The following MACROD2 variants were observed in gnomAD, a reference collection of about 807,000 sequenced individuals.
The protein encoded by MACROD2 is ADP-ribose glycohydrolase MACROD2.
Under a neutral mutation model 70.4 loss-of-function variants are expected in MACROD2, and 36 were observed. That is an observed-to-expected ratio of 0.51 (90% CI 0.39 to 0.68). The LOEUF (loss-of-function observed/expected upper bound fraction) is 0.68. Ranked by LOEUF, MACROD2 falls within the 30% of genes least tolerant of loss-of-function variation. The pLI is 0.00. For synonymous variants in MACROD2, 172 were observed against 178.8 expected (o/e 0.96, Z 0.30); for missense variants, 496 against 538.4 (o/e 0.92, Z 0.78).
At chr20:14,661,516 T>C (rs1488725693) in intron 4 of MACROD2, among the ~76,000 whole-genome samples, 1 of 152,150 alleles carries the variant, frequency 6.6e-6, no homozygotes, top group Non-Finnish European at 1.5e-5. Context: ...GTTTACTGTG[T>C]TGATAGTTTC....
intron 12 of MACROD2, among the ~76,000 whole-genome samples, chr20:15,952,061 C>G (rs1304739740): frequency 6.6e-6 from 1 of 152,084 alleles, no homozygotes; most frequent in Non-Finnish European, 1.5e-5. Flanking sequence ...CTCACAAGAT[C>G]TGATGGTATT....
chr20:14,571,931 G>T lies in MACROD2; in HGVS notation c.301+78423G>T, dbSNP rs996932905. On this transcript the variant is annotated intron_variant, in intron 4 of 17. Transcript: ENST00000684519. Reference sequence around the variant, plus strand: ...GAAGGTACTTTATTAGTTCAAGACTGCCCAGATATACAGTAATGAAAAAGA... The same window carrying T: ...GAAGGTACTTTATTAGTTCAAGACTTCCCAGATATACAGTAATGAAAAAGA... 3.3e-5 allele frequency among the ~76,000 whole-genome samples: 5 copies of T among 151,974 alleles called. No individual in the cohort carries two copies. In the East Asian group the frequency reaches 7.7e-4, roughly 23 times the overall value.
rs145431225 is a variant in MACROD2 at position 15,796,678 on chromosome 20, A to C, written c.646-66067A>C. Among the ~76,000 whole-genome samples the C allele has an allele frequency of 6.5e-4, 99 of 152,320 alleles. 1 individual carries two copies. In the East Asian group the frequency reaches 0.011, roughly 17 times the overall value. Reference sequence around the variant, plus strand: ...CAGCAGAGTGCCGGGCATTTGGCAAATGCTCAATAATACTTAGAATTATTA... The same window carrying C: ...CAGCAGAGTGCCGGGCATTTGGCAACTGCTCAATAATACTTAGAATTATTA... On this transcript the variant is annotated intron_variant, in intron 8 of 17. Coordinates refer to ENST00000684519, the MANE Select transcript of MACROD2 (RefSeq NM_001351661.2).
intron 6 of MACROD2, among the ~76,000 whole-genome samples, chr20:15,340,387 C>T (rs1474502049): frequency 1.3e-5 from 2 of 151,888 alleles, no homozygotes; most frequent in Admixed American, 6.6e-5. Context: ...CCATCCGCCT[C>T]GGACTCCCAA....
intron 5 of MACROD2, among the ~76,000 whole-genome samples, chr20:14,728,644 T>A (rs1173064716): frequency 6.6e-6 from 1 of 152,212 alleles, no homozygotes; most frequent in Non-Finnish European, 1.5e-5. Flanking sequence ...ATGATTCTGG[T>A]CAATACAGTA....
At chr20:15,513,560 CTGCG>C (rs2047527910) in intron 8 of MACROD2, among the ~76,000 whole-genome samples, 1 of 151,838 alleles carries the variant, frequency 6.6e-6, no homozygotes, top group African/African-American at 2.4e-5. Context: ...ACCAGAGGCT[CTGCG>C]TGTGTGTGTG....
rs572285648 is a variant in MACROD2, at chr20:15,268,017, T to C, written c.540+37956T>C. ...GGTCATGTGACAAGAACCCAGTTTTTAGCTGAACTGAGGAGAAAGTCCTAA... is the reference window on the plus strand; with the variant it reads ...GGTCATGTGACAAGAACCCAGTTTTCAGCTGAACTGAGGAGAAAGTCCTAA... On this transcript the variant is annotated intron_variant, in intron 6 of 17. Coordinates refer to ENST00000684519, the MANE Select transcript of MACROD2 (RefSeq NM_001351661.2). 1.0e-3 allele frequency among the ~76,000 whole-genome samples: 157 copies of C among 152,340 alleles called. 1 individual carries two copies. Among genetic ancestry groups the C allele is most frequent in the Non-Finnish European group, 1.7e-3 (113 of 68,034 alleles).
chr20:15,064,348 G>A (rs1052016411), intron 5 of MACROD2, among the ~76,000 whole-genome samples: 13 of 152,216 alleles, frequency 8.5e-5, no homozygotes, highest in African/African-American at 2.4e-4. Flanking sequence ...AACGTCAGAC[G>A]GCATCTGCTC....
Position 16,050,099 on chromosome 20 carries a change from G to T in MACROD2, c.*223G>T. The stretch of plus-strand genomic sequence containing the variant: ...CCTTTAATTTGGTGGAGGGACCCAT[G>T]TTGACGCATCTTTCAGGCATTATCC... On this transcript the variant is annotated 3_prime_UTR_variant, in exon 18 of 18. Transcript: ENST00000684519. The T allele has an allele frequency of 2.3e-6, 1 of 438,052 alleles. No individual in the cohort carries two copies. The highest frequency in any genetic ancestry group is 4.1e-6 in the Non-Finnish European group (1 of 241,860). 27.1% of individuals were successfully genotyped at this position (438,052 alleles called of 1,614,324 possible).
chr20:16,032,055 G>A (rs1451206809), intron 15 of MACROD2, among the ~76,000 whole-genome samples: 1 of 152,088 alleles, frequency 6.6e-6, no homozygotes, highest in Non-Finnish European at 1.5e-5. Context: ...ATGTGTAAGT[G>A]TCCTTTCTGT....
chr20:14,453,928 A>G (rs2084271542), intron 3 of MACROD2, among the ~76,000 whole-genome samples: 1 of 151,834 alleles, frequency 6.6e-6, no homozygotes, highest in East Asian at 1.9e-4. Flanking sequence ...AAGAGTTTTC[A>G]TACCTTAATT....
At position 14,862,206 on chromosome 20, in the gene MACROD2, A is replaced by AAT. The variant is rs547904578; in HGVS notation, c.418+177261_418+177262dup. Among the ~76,000 whole-genome samples the AAT allele has an allele frequency of 5.6e-3, 81 of 14,502 alleles. 3 individuals carry two copies. The highest frequency in any genetic ancestry group is 0.017 in the African/African-American group (75 of 4,422). 9.5% of individuals were successfully genotyped at this position (14,502 alleles called of 152,430 possible). ...ATATATATTTATACATAAATATATA[A>AAT]ATATATATATATATAAATATATATA... On this transcript the variant is annotated intron_variant, in intron 5 of 17. Transcript: ENST00000684519.
At chr20:15,459,270 C>T (rs1313424773) in intron 7 of MACROD2, among the ~76,000 whole-genome samples, 1 of 152,072 alleles carries the variant, frequency 6.6e-6, no homozygotes, top group Non-Finnish European at 1.5e-5. Context: ...CGCTGCTATT[C>T]GCCCAAGTCT....
At chr20:14,373,625 A>C (rs1172671158) in intron 3 of MACROD2, among the ~76,000 whole-genome samples, 1 of 152,280 alleles carries the variant, frequency 6.6e-6, no homozygotes, top group Middle Eastern at 3.4e-3. Context: ...ATACCCTTAA[A>C]GTAATGCCTC....
At chr20:14,522,979 G>A (rs13042875) in intron 4 of MACROD2, among the ~76,000 whole-genome samples, 25,460 of 152,044 alleles carry the variant, frequency 0.17, 2,677 homozygotes, top group Non-Finnish European at 0.22. Flanking sequence ...TCACAGTCAC[G>A]CCTTTTATAC....
chr20:14,327,974 A>G (rs1270229357), intron 3 of MACROD2, among the ~76,000 whole-genome samples: 1 of 152,002 alleles, frequency 6.6e-6, no homozygotes, highest in Non-Finnish European at 1.5e-5. Flanking sequence ...AAAGGTAATC[A>G]TTTTACTGTT....
At chr20:15,406,858 G>C (rs367781967) in intron 6 of MACROD2, among the ~76,000 whole-genome samples, 1 of 152,166 alleles carries the variant, frequency 6.6e-6, no homozygotes, top group Admixed American at 6.5e-5. Flanking sequence ...ATCATGCGAC[G>C]TGTCGAGTCT....
intron 8 of MACROD2, among the ~76,000 whole-genome samples, chr20:15,740,891 G>T (rs1367723898): frequency 6.6e-6 from 1 of 151,884 alleles, no homozygotes; most frequent in Non-Finnish European, 1.5e-5. Context: ...CATCTCCACT[G>T]CTCGCGTGCT....
intron 3 of MACROD2, among the ~76,000 whole-genome samples, chr20:14,271,702 C>T (rs1430191802): frequency 6.6e-6 from 1 of 152,052 alleles, no homozygotes; most frequent in Non-Finnish European, 1.5e-5. Flanking sequence ...CTCCGAGCTA[C>T]AGGAGGAAAT....
Sources: gnomAD v4.1 joint callset for allele counts (sites outside exome capture counted in the v4.1 genomes callset) on GRCh38, gnomAD v4.1.1 for gene constraint, MANE v1.5 for transcripts, NCBI Gene and HGNC (gene_info 2026-07-23, HGNC 2026-07-21) for gene names.